The following PPP4R4 variants were observed in gnomAD, a reference collection of about 807,000 sequenced individuals.
PPP4R4 encodes protein phosphatase 4 regulatory subunit 4.
A neutral mutation model predicts 121.8 loss-of-function variants in PPP4R4; 70 were observed. The observed-to-expected ratio is 0.57, with a 90% CI of 0.47 to 0.70. The LOEUF is 0.70. Ranked by LOEUF, PPP4R4 falls within the 30% of genes least tolerant of loss-of-function variation. PPP4R4 has a pLI of 0.00. For synonymous variants in PPP4R4, 348 were observed against 355.7 expected (o/e 0.98, Z 0.24); for missense variants, 875 against 1,033.6 (o/e 0.85, Z 2.10).
chr14:94,190,872 C>CTTTTTTTT (rs11414150), intron 2 of PPP4R4, among the ~76,000 whole-genome samples: 2 of 145,558 alleles, frequency 1.4e-5, no homozygotes, highest in Non-Finnish European at 1.5e-5. Context: ...TGATTTCCAA[C>CTTTTTTTT]TTTTTTTTTT....
At chr14:94,197,605 G>T (rs543655242) in intron 2 of PPP4R4, among the ~76,000 whole-genome samples, 155 of 152,184 alleles carry the variant, frequency 1.0e-3, no homozygotes, top group African/African-American at 3.6e-3. Flanking sequence ...TTAAAATGGG[G>T]AATTTGATGA....
At chr14:94,239,066 T>C (rs1467404959) in intron 8 of PPP4R4, among the ~76,000 whole-genome samples, 1 of 152,166 alleles carries the variant, frequency 6.6e-6, no homozygotes, top group Non-Finnish European at 1.5e-5. Flanking sequence ...CCCACTCCTC[T>C]TGTGTCTGAT....
chr14:94,182,268 ATTT>A (rs1889034267), intron 2 of PPP4R4, among the ~76,000 whole-genome samples: 1 of 152,138 alleles, frequency 6.6e-6, no homozygotes, highest in Non-Finnish European at 1.5e-5. Context: ...CTTATATTTT[ATTT>A]TTTAACGCGA....
chr14:94,211,356 C>T (rs1309609880), intron 3 of PPP4R4, among the ~76,000 whole-genome samples: 1 of 152,116 alleles, frequency 6.6e-6, no homozygotes, highest in Admixed American at 6.6e-5. Flanking sequence ...AGGGCACCTG[C>T]TGTGCATTGG....
intron 12 of PPP4R4, 129 bp downstream of exon 12, chr14:94,244,841 G>A (rs1892807693): frequency 2.4e-6 from 2 of 837,342 alleles, no homozygotes; most frequent in African/African-American, 3.6e-5. Context: ...GCTTCAAATT[G>A]TTGTACCACT....
At chr14:94,267,442 C>T (rs1369060396) in intron 23 of PPP4R4, among the ~76,000 whole-genome samples, 1 of 152,128 alleles carries the variant, frequency 6.6e-6, no homozygotes, top group Non-Finnish European at 1.5e-5. Flanking sequence ...GCACATTTCC[C>T]TGAAGGGCCA....
At chr14:94,183,249 G>A (rs1362039342) in intron 2 of PPP4R4, among the ~76,000 whole-genome samples, 2 of 152,030 alleles carry the variant, frequency 1.3e-5, no homozygotes, top group African/African-American at 4.8e-5. Context: ...GATTCTAAGA[G>A]GTCCTCATTA....
At chr14:94,233,593 A>G in intron 5 of PPP4R4, 60 bp from the exon 6 acceptor site, 1 of 1,032,674 alleles carries the variant, frequency 9.7e-7, no homozygotes, top group South Asian at 1.4e-5. Flanking sequence ...GGAATAGCTG[A>G]CATGAGTGGC....
chr14:94,235,561 G>A (rs10130401), intron 7 of PPP4R4, among the ~76,000 whole-genome samples: 17,709 of 151,404 alleles, frequency 0.12, 1,218 homozygotes, highest in African/African-American at 0.19. Context: ...CACCACGCCC[G>A]GCTAATTTTT....
chr14:94,240,136 T>C (rs925164968), intron 8 of PPP4R4, among the ~76,000 whole-genome samples: 2 of 152,168 alleles, frequency 1.3e-5, no homozygotes, highest in African/African-American at 4.8e-5. Context: ...CCTAAGCAGA[T>C]GTACTCAAAT....
intron 2 of PPP4R4, among the ~76,000 whole-genome samples, chr14:94,176,581 G>T (rs906031559): frequency 1.3e-5 from 2 of 152,104 alleles, no homozygotes; most frequent in African/African-American, 2.4e-5. Context: ...TACTTTTGCC[G>T]TGCAAGCTTT....
intron 3 of PPP4R4, among the ~76,000 whole-genome samples, chr14:94,208,787 C>A (rs1311586286): frequency 6.6e-6 from 1 of 152,038 alleles, no homozygotes; most frequent in East Asian, 1.9e-4. Flanking sequence ...TTTCTTTAGT[C>A]ATTTTCTCAG....
chr14:94,245,787 A>G (rs1892862692), intron 13 of PPP4R4, 117 bp downstream of exon 13: 3 of 603,956 alleles, frequency 5.0e-6, no homozygotes, highest in Non-Finnish European at 8.4e-6. Context: ...TGCATGCCAC[A>G]TAGCAGGTGG....
chr14:94,203,113 T>C (rs1890280286), intron 2 of PPP4R4, among the ~76,000 whole-genome samples: 2 of 152,250 alleles, frequency 1.3e-5, no homozygotes, highest in Non-Finnish European at 2.9e-5. Flanking sequence ...GATGTTGACA[T>C]TGATAAAATC....
chr14:94,179,428 T>C (rs1888857018), intron 2 of PPP4R4, among the ~76,000 whole-genome samples: 1 of 152,228 alleles, frequency 6.6e-6, no homozygotes, highest in Non-Finnish European at 1.5e-5. Context: ...CAGTGTAGTA[T>C]TCTACTGTAT....
At chr14:94,190,048 CT>C (rs34015633) in intron 2 of PPP4R4, among the ~76,000 whole-genome samples, 87,021 of 143,300 alleles carry the variant, frequency 0.61, 28,116 homozygotes, top group Non-Finnish European at 0.74. Context: ...TTGCTTTTAT[CT>C]TTTTTTTTTT....
At chr14:94,255,533 G>A (rs890061270) in intron 16 of PPP4R4, among the ~76,000 whole-genome samples, 3 of 150,600 alleles carry the variant, frequency 2.0e-5, no homozygotes, top group African/African-American at 4.9e-5. Flanking sequence ...CCTGGGAGGC[G>A]GAGCCTGCAG....
intron 3 of PPP4R4, among the ~76,000 whole-genome samples, chr14:94,216,234 C>T (rs1202652558): frequency 2.6e-5 from 4 of 152,196 alleles, no homozygotes; most frequent in African/African-American, 9.6e-5. Context: ...AGTAGGTTAT[C>T]CACAAAATCC....
At chr14:94,245,362 C>T (rs1892838148) in intron 12 of PPP4R4, among the ~76,000 whole-genome samples, 1 of 151,966 alleles carries the variant, frequency 6.6e-6, no homozygotes, top group Non-Finnish European at 1.5e-5. Flanking sequence ...TGGACAATGT[C>T]AAGAGGCAGG....
Sources: allele counts gnomAD v4.1 joint callset (sites outside exome capture counted in the v4.1 genomes callset), GRCh38; gene constraint gnomAD v4.1.1; transcripts MANE v1.5; gene names NCBI Gene and HGNC (gene_info 2026-07-23, HGNC 2026-07-21).